The following TIAL1 variants were observed in gnomAD, a reference collection of about 807,000 sequenced individuals.
TIAL1 encodes the protein TIA1 cytotoxic granule associated RNA binding protein like 1, also known as nucleolysin TIAR.
TIAL1 carries 7 observed loss-of-function variants against 59.7 expected under a neutral mutation model. The ratio of observed to expected loss-of-function variants is 0.12; its 90% CI spans 0.07 to 0.22. The LOEUF (loss-of-function observed/expected upper bound fraction) is 0.22, where lower values mean the gene tolerates loss of function less well. Among genes scored for constraint, TIAL1 ranks in the 10% least tolerant of loss-of-function variants. The probability of loss-of-function intolerance (pLI) is 1.00; values close to 1 mark genes in which losing one functional copy is unlikely to be tolerated. For synonymous variants in TIAL1, 149 were observed against 146.3 expected (o/e 1.02, Z -0.13); for missense variants, 225 against 462.5 (o/e 0.49, Z 4.71).
Position 119,578,805 on chromosome 10 carries a change from G to C in TIAL1, c.477C>G (p.Gly159=). 6.2e-7 allele frequency: 1 copy of C among 1,614,054 alleles called. No homozygotes were observed. The highest frequency in any genetic ancestry group is 1.1e-5 in the South Asian group (1 of 91,076). The change falls in exon 7 of 12, where the codon GGC becomes GGG. Residue 159 remains glycine, a synonymous_variant. Transcript: ENST00000436547. ...LDAENAIVHM[G]GQWLGGRQIR... Reference sequence around the variant, plus strand: ...TTTGACGACCACCCAACCACTGACCGCCCATATGCACAATCGCATTTTCTG... The same window carrying C: ...TTTGACGACCACCCAACCACTGACCCCCCATATGCACAATCGCATTTTCTG...
At position 119,573,786 on chromosome 10, in the gene TIAL1, T is replaced by C. The variant is rs1446431105; in HGVS notation, c.*1879A>G. The C allele has an allele frequency of 6.6e-6, 1 of 152,216 alleles. No homozygotes were observed. Among genetic ancestry groups the C allele is most frequent in the Non-Finnish European group, 1.5e-5 (1 of 68,030 alleles). 9.4% of individuals were successfully genotyped at this position (152,216 alleles called of 1,614,324 possible). ...ACAAAAGAAATAAGGGTATATTTTA[T>C]AACAGAAGAGTGTAATAGATGACCA... On this transcript the variant is annotated 3_prime_UTR_variant, in exon 12 of 12. Coordinates refer to ENST00000436547, the MANE Select transcript of TIAL1 (RefSeq NM_003252.4).
Position 119,575,740 on chromosome 10 carries a change from T to G in TIAL1, c.1053A>C (p.Gln351His), listed in dbSNP as rs200049480. Residue 351 changes from glutamine to histidine, a missense_variant, in exon 12 of 12, where the codon CAA (glutamine) becomes CAC (histidine). Physicochemically the swap from Gln to His is conservative, Grantham distance 24 (BLOSUM62 0). Coordinates refer to ENST00000436547, the MANE Select transcript of TIAL1 (RefSeq NM_003252.4). ...GTATTACAGGGGGAGGAGCTTGTCC[T>G]TGGGGAGGCTGAGCACCAAATCCAC... ...WMGGFGAQPP[Q>H]GQAPPPVIPP... 5 of 1,607,318 alleles carry G rather than the reference T, an allele frequency of 3.1e-6. No individual in the cohort carries two copies. The highest frequency in any genetic ancestry group is 1.7e-4 in the Middle Eastern group (1 of 6,044).
chr10:119,586,279 C>T (rs1320284132), intron 2 of TIAL1, among the ~76,000 whole-genome samples: 1 of 152,202 alleles, frequency 6.6e-6, no homozygotes, highest in African/African-American at 2.4e-5. Flanking sequence ...AACTATACAA[C>T]TGCATTAACA....
At chr10:119,593,981 C>T (rs2134012548) in intron 1 of TIAL1, among the ~76,000 whole-genome samples, 1 of 151,318 alleles carries the variant, frequency 6.6e-6, no homozygotes, top group South Asian at 2.1e-4. Flanking sequence ...AGTATAATCA[C>T]TGTAGAAATT....
intron 2 of TIAL1, among the ~76,000 whole-genome samples, chr10:119,585,037 C>T (rs886809220): frequency 6.8e-6 from 1 of 147,772 alleles, no homozygotes; most frequent in Non-Finnish European, 1.5e-5. Context: ...GCAGGAGAAT[C>T]ACTTGAACCC....
chr10:119,595,525 G>A (rs1327526049), intron 1 of TIAL1, among the ~76,000 whole-genome samples: 1 of 151,932 alleles, frequency 6.6e-6, no homozygotes, highest in African/African-American at 2.4e-5. Flanking sequence ...TCATTGGAAA[G>A]GAAGGAAACC....
chr10:119,575,512 G>T lies in TIAL1; in HGVS notation c.*153C>A. On this transcript the variant is annotated 3_prime_UTR_variant, in exon 12 of 12. Transcript: ENST00000436547. Reference sequence around the variant, plus strand: ...AAAAAGGCAGAACTAGAAGACACGTGTCCTTCACCAAAGCAAATCTGTGCT... The same window carrying T: ...AAAAAGGCAGAACTAGAAGACACGTTTCCTTCACCAAAGCAAATCTGTGCT... 1 of 918,578 alleles carries T rather than the reference G, an allele frequency of 1.1e-6. No homozygotes were observed. Among genetic ancestry groups the T allele is most frequent in the Non-Finnish European group, 1.6e-6 (1 of 620,254 alleles). 56.9% of individuals were successfully genotyped at this position (918,578 alleles called of 1,614,324 possible).
intron 5 of TIAL1, chr10:119,581,685 AT>A (rs961319236): frequency 9.6e-5 from 33 of 343,126 alleles, no homozygotes; most frequent in Non-Finnish European, 1.5e-4. Flanking sequence ...AATCACTTAA[AT>A]TTTTTTTAAC....
At chr10:119,596,073 T>G (rs1459003490) in intron 1 of TIAL1, among the ~76,000 whole-genome samples, 1 of 139,738 alleles carries the variant, frequency 7.2e-6, no homozygotes, top group South Asian at 2.5e-4. Context: ...CCTTCCCCCG[T>G]GGGCGCCGGC....
intron 6 of TIAL1, among the ~76,000 whole-genome samples, chr10:119,579,519 T>A (rs1845200513): frequency 6.6e-6 from 1 of 152,212 alleles, no homozygotes; most frequent in African/African-American, 2.4e-5. Flanking sequence ...CATAATTTGT[T>A]GTAGTCATTC....
rs754564822 is a variant in TIAL1, at chr10:119,576,703, T to C, written c.909A>G (p.Pro303=). ...TTGCCATATACTGTCCATACTGTTG[T>C]GGGTTTCCATACACTTGGCTCCATT... ...WGQWSQVYGN[P]QQYGQYMANG... The change falls in exon 11 of 12, where the codon CCA becomes CCG. Residue 303 remains proline (P), a synonymous_variant. Coordinates refer to ENST00000436547, the MANE Select transcript of TIAL1 (RefSeq NM_003252.4). 4 of 1,614,078 alleles carry C rather than the reference T, an allele frequency of 2.5e-6. No homozygotes were observed. In the Admixed American group the frequency reaches 5.0e-5, roughly 20 times the overall value.
In TIAL1 at chr10:119,596,282, G is replaced by A. The variant is rs554292023; in HGVS notation, c.32+152C>T. 8.4e-5 allele frequency: 65 copies of A among 774,490 alleles called. 2 individuals carry two copies. The South Asian group carries it at 9.0e-4, about 11-fold the overall frequency. The allele number at this position is 774,490 out of a possible 1,614,324, so 48.0% of individuals were successfully genotyped here. On this transcript the variant is annotated intron_variant, in intron 1 of 11. Transcript: ENST00000436547. ...AGGATTTCCTTCCCAAGGAAAAGGG[G>A]ACAGATGAGGAATGCACTTCGCGTC...
chr10:119,585,832 TC>T (rs1017880087), intron 2 of TIAL1, among the ~76,000 whole-genome samples: 1 of 152,110 alleles, frequency 6.6e-6, no homozygotes, highest in Non-Finnish European at 1.5e-5. Context: ...TGATTCCTTT[TC>T]CATCCTAATC....
intron 5 of TIAL1, 192 bp from the exon 6 acceptor site, chr10:119,580,202 T>C (rs1023858931): frequency 4.1e-6 from 2 of 489,654 alleles, no homozygotes; most frequent in East Asian, 3.3e-5. Flanking sequence ...GACAAAAACA[T>C]GTAATAAACA....
chr10:119,579,788 A>C (rs139491015), intron 6 of TIAL1, 147 bp downstream of exon 6: 2 of 561,190 alleles, frequency 3.6e-6, no homozygotes, highest in Non-Finnish European at 6.0e-6. Context: ...ATGAAATTAT[A>C]CTCTATTATT....
rs559589526 is a variant in TIAL1, at chr10:119,595,841, G to C, written c.32+593C>G. Among the ~76,000 whole-genome samples the C allele has an allele frequency of 4.6e-5, 7 of 152,324 alleles. No homozygotes were observed. The East Asian group carries it at 1.3e-3, about 29-fold the overall frequency. ...ATCCCTTATGTACTTCAAAAGTAGC[G>C]GGCGCTAGGCGGGTGTTTCTGACAG... On this transcript the variant is annotated intron_variant, in intron 1 of 11. Coordinates refer to ENST00000436547, the MANE Select transcript of TIAL1 (RefSeq NM_003252.4).
chr10:119,577,320 T>C, intron 9 of TIAL1, 117 bp from the exon 10 acceptor site: 1 of 1,441,236 alleles, frequency 6.9e-7, no homozygotes, highest in Non-Finnish European at 9.3e-7. Context: ...CTAAAGTACA[T>C]TAGGTAGGTA....
chr10:119,577,367 A>T, intron 9 of TIAL1, 84 bp downstream of exon 9: 1 of 1,460,310 alleles, frequency 6.8e-7, no homozygotes, highest in East Asian at 2.3e-5. Flanking sequence ...CACTAAAATA[A>T]CAAACACTGA....
chr10:119,580,293 T>A lies in TIAL1; in HGVS notation c.372-283A>T, dbSNP rs536460221. 4.5e-4 allele frequency: 157 copies of A among 350,752 alleles called. 1 individual carries two copies. Among genetic ancestry groups the A allele is most frequent in the South Asian group, 4.4e-3 (58 of 13,294 alleles). The allele number at this position is 350,752 out of a possible 1,614,324, so 21.7% of individuals were successfully genotyped here. On this transcript the variant is annotated intron_variant, in intron 5 of 11. Coordinates refer to ENST00000436547, the MANE Select transcript of TIAL1 (RefSeq NM_003252.4). ...TAATAGGAACAACAGTTTCCCTTTC[T>A]AATATTCTATTTACTAGTGTCCTCT... is the stretch of plus-strand genomic sequence containing the variant.
Sources: allele counts gnomAD v4.1 joint callset (sites outside exome capture counted in the v4.1 genomes callset), GRCh38; gene constraint gnomAD v4.1.1; transcripts MANE v1.5; gene names NCBI Gene and HGNC (gene_info 2026-07-23, HGNC 2026-07-21).